Variants in ABTB2 observed in about 807,000 individuals in gnomAD.
ABTB2 encodes the protein ankyrin repeat and BTB/POZ domain-containing protein 2.
A neutral mutation model predicts 104.1 loss-of-function variants in ABTB2; 56 were observed. That is an observed-to-expected ratio of 0.54 (90% CI 0.43 to 0.67). The LOEUF (loss-of-function observed/expected upper bound fraction) is 0.67, where lower values mean the gene tolerates loss of function less well. Among genes scored for constraint, ABTB2 ranks in the 30% least tolerant of loss-of-function variants. The pLI, the probability that ABTB2 is intolerant of heterozygous loss-of-function variation, is 0.00. For missense variants in ABTB2, 1,279 were observed against 1,407.7 expected, an observed-to-expected ratio of 0.91 and a Z score of 1.46; for synonymous variants, 606 against 608.2, an observed-to-expected ratio of 1.00 and a Z score of 0.05.
At position 34,285,318 on chromosome 11, in the gene ABTB2, C is replaced by G. The variant is rs541320194; in HGVS notation, c.883+71383G>C. 3.9e-4 allele frequency among the ~76,000 whole-genome samples: 59 copies of G among 152,162 alleles called. No individual in the cohort carries two copies. The South Asian group carries it at 0.012, about 31-fold the overall frequency. On this transcript the variant is annotated intron_variant, in intron 1 of 16. Transcript: ENST00000435224. ...AGCCCCAGAGTTAGGCGGGTGCTAT[C>G]GATCACTATCGGGGGTCCCTGGGGA...
chr11:34,182,606 C>T (rs917153951), intron 3 of ABTB2, among the ~76,000 whole-genome samples: 2 of 151,262 alleles, frequency 1.3e-5, no homozygotes, highest in Non-Finnish European at 2.9e-5. Flanking sequence ...TAGAGCCAAC[C>T]AAGTCATGAC....
In ABTB2 at chr11:34,331,355, G is replaced by A. The variant is rs371381186; in HGVS notation, c.883+25346C>T. ...AGGACCATAAAACGCAAGGAGTAAGGAGTTGTGGAAAAACAACCCCATCTG... is the reference window on the plus strand; with the variant it reads ...AGGACCATAAAACGCAAGGAGTAAGAAGTTGTGGAAAAACAACCCCATCTG... On this transcript the variant is annotated intron_variant, in intron 1 of 16. Coordinates refer to ENST00000435224, the MANE Select transcript of ABTB2 (RefSeq NM_145804.3). Among the ~76,000 whole-genome samples, 124 of 152,266 alleles carry A rather than the reference G, an allele frequency of 8.1e-4. 2 individuals are homozygous for A. In the South Asian group the frequency reaches 0.025, roughly 30 times the overall value.
At chr11:34,179,080 C>CAAAAA (rs111676312) in intron 3 of ABTB2, among the ~76,000 whole-genome samples, 1 of 98,678 alleles carries the variant, frequency 1.0e-5, no homozygotes, top group African/African-American at 4.2e-5. Flanking sequence ...AACTCCAACT[C>CAAAAA]AAAAAAAAAA....
At chr11:34,236,321 T>G (rs927960169) in intron 1 of ABTB2, among the ~76,000 whole-genome samples, 2 of 152,214 alleles carry the variant, frequency 1.3e-5, no homozygotes, top group Non-Finnish European at 2.9e-5. Flanking sequence ...TTTGCTCTTG[T>G]TGTAGAAGGG....
At chr11:34,302,987 G>A (rs1353984815) in intron 1 of ABTB2, among the ~76,000 whole-genome samples, 3 of 152,168 alleles carry the variant, frequency 2.0e-5, no homozygotes. Context: ...CAATTTCCTG[G>A]CTCTGGCAGA....
At chr11:34,182,082 C>T (rs143038557) in intron 3 of ABTB2, among the ~76,000 whole-genome samples, 7 of 152,246 alleles carry the variant, frequency 4.6e-5, no homozygotes, top group South Asian at 2.1e-4. Context: ...AAGCAAGTGA[C>T]GGCTCCACGA....
chr11:34,349,850 A>G (rs1398408034), intron 1 of ABTB2, among the ~76,000 whole-genome samples: 1 of 152,200 alleles, frequency 6.6e-6, no homozygotes, highest in Non-Finnish European at 1.5e-5. Flanking sequence ...CCTGTGATCA[A>G]GGAAGAAACT....
At chr11:34,292,239 G>T (rs1180447996) in intron 1 of ABTB2, among the ~76,000 whole-genome samples, 2 of 152,198 alleles carry the variant, frequency 1.3e-5, no homozygotes, top group African/African-American at 4.8e-5. Flanking sequence ...AAGCCGCAGT[G>T]TTCTCTGAGA....
intron 3 of ABTB2, among the ~76,000 whole-genome samples, chr11:34,192,011 G>A (rs1303992881): frequency 6.6e-6 from 1 of 152,198 alleles, no homozygotes; most frequent in East Asian, 1.9e-4. Flanking sequence ...TATGTAGTGA[G>A]CAGGTGCAGT....
chr11:34,241,204 G>A (rs555168300), intron 1 of ABTB2, among the ~76,000 whole-genome samples: 10 of 152,286 alleles, frequency 6.6e-5, no homozygotes, highest in Admixed American at 2.6e-4. Context: ...TCTGTACAGC[G>A]GGAATAACAG....
chr11:34,195,086 A>AGGG (rs1442576699), intron 3 of ABTB2, among the ~76,000 whole-genome samples: 1 of 38,066 alleles, frequency 2.6e-5, no homozygotes, highest in Non-Finnish European at 6.8e-5. Context: ...GGGGGGGGGG[A>AGGG]GTGGGGGCGG....
intron 1 of ABTB2, among the ~76,000 whole-genome samples, chr11:34,332,450 A>C (rs566799875): frequency 7.9e-5 from 12 of 152,200 alleles, no homozygotes; most frequent in Admixed American, 2.0e-4. Flanking sequence ...CCACACTCAC[A>C]CTCAGGGTAT....
intron 1 of ABTB2, among the ~76,000 whole-genome samples, chr11:34,308,868 CAAAAAAAA>C (rs57658114): frequency 2.6e-5 from 2 of 77,800 alleles, no homozygotes; most frequent in African/African-American, 4.4e-5. Flanking sequence ...GAAACTGTCT[CAAAAAAAA>C]AAAAAAAAAA....
At position 34,162,802 on chromosome 11, in the gene ABTB2, G is replaced by A. The variant is rs775761513; in HGVS notation, c.1992C>T (p.Asn664=). The A allele has an allele frequency of 1.1e-5, 18 of 1,600,384 alleles. No individual in the cohort carries two copies. The highest frequency in any genetic ancestry group is 1.5e-5 in the Non-Finnish European group (18 of 1,178,874). ...FSHSAAHGHR[N]VLRKLLTQPQ... is the part of the protein sequence containing the mutation. ...GCTGCGTCAGGAGCTTCCTCAGGAC[G>A]TTCCTGCAGGCCCAGGGATGAATGA... Residue 664 remains asparagine, a synonymous_variant, in exon 10 of 17, where the codon AAC becomes AAT. Coordinates refer to ENST00000435224, the MANE Select transcript of ABTB2 (RefSeq NM_145804.3).
At chr11:34,334,979 C>T in intron 1 of ABTB2, 2 of 517,372 alleles carry the variant, frequency 3.9e-6, no homozygotes, top group Non-Finnish European at 6.9e-6. Flanking sequence ...TCCCATATCA[C>T]TTACCAATGT....
chr11:34,289,608 C>T (rs369690615), intron 1 of ABTB2, among the ~76,000 whole-genome samples: 10 of 152,182 alleles, frequency 6.6e-5, no homozygotes, highest in African/African-American at 2.2e-4. Flanking sequence ...TGGCATTTCT[C>T]ATGAGCCCAC....
At position 34,357,794 on chromosome 11, in the gene ABTB2, C is replaced by G. The variant is rs1182174879; in HGVS notation, c.-211G>C. 1 of 532,984 alleles carries G rather than the reference C, an allele frequency of 1.9e-6. No individual in the cohort carries two copies. The highest frequency in any genetic ancestry group is 3.5e-5 in the Admixed American group (1 of 28,312). 33.0% of individuals were successfully genotyped at this position (532,984 alleles called of 1,614,324 possible). A position where few individuals can be genotyped will look rare whatever the true frequency, so the allele number is the denominator to read the frequency against. On this transcript the variant is annotated 5_prime_UTR_variant, in exon 1 of 17. Transcript: ENST00000435224. Reference sequence around the variant, plus strand: ...CAGGAGCCCCACGCTCCCGGCGTCCCGACTCGCAGCTGCCACTGGAAAGAA... The same window carrying G: ...CAGGAGCCCCACGCTCCCGGCGTCCGGACTCGCAGCTGCCACTGGAAAGAA...
At chr11:34,157,974 C>G (rs1407408534) in intron 14 of ABTB2, among the ~76,000 whole-genome samples, 2 of 152,262 alleles carry the variant, frequency 1.3e-5, no homozygotes, top group South Asian at 2.1e-4. Flanking sequence ...CTCAACCTCT[C>G]CATGCCTCTG....
chr11:34,293,675 G>A (rs150460114), intron 1 of ABTB2, among the ~76,000 whole-genome samples: 8 of 152,264 alleles, frequency 5.3e-5, no homozygotes, highest in South Asian at 2.1e-4. Flanking sequence ...GGACCCACAC[G>A]CACCTGTGAG....
Sources: gnomAD v4.1 joint callset for allele counts (sites outside exome capture counted in the v4.1 genomes callset) on GRCh38, gnomAD v4.1.1 for gene constraint, MANE v1.5 for transcripts, NCBI Gene and HGNC (gene_info 2026-07-23, HGNC 2026-07-21) for gene names.